Variants in SLC45A4 observed in about 807,000 individuals in gnomAD.
SLC45A4 encodes polyamine-transporter SLC45A4.
SLC45A4 carries 32 observed loss-of-function variants against 63.7 expected under a neutral mutation model. The ratio of observed to expected loss-of-function variants is 0.50; its 90% confidence interval spans 0.38 to 0.67. SLC45A4 has a LOEUF of 0.67. Among genes scored for constraint, SLC45A4 ranks in the 30% least tolerant of loss-of-function variants. The pLI is 0.00. For synonymous variants in SLC45A4, 535 were observed against 510.0 expected (o/e 1.05, Z -0.66); for missense variants, 1,027 against 1,157.7 (o/e 0.89, Z 1.64).
At chr8:141,217,973 C>T (rs761799082) in intron 5 of SLC45A4, 38 bp downstream of exon 5, 1 of 1,530,930 alleles carries the variant, frequency 6.5e-7, no homozygotes, top group Non-Finnish European at 8.8e-7. Flanking sequence ...CGCAGGTGGG[C>T]AGAGAGAGCG....
chr8:141,253,035 C>G (rs534937906), intron 2 of SLC45A4: 41 of 148,102 alleles, frequency 2.8e-4, no homozygotes, highest in African/African-American at 1.0e-3. Context: ...TCACACCCAC[C>G]TGTGTCTGTG....
At chr8:141,272,784 AGC>A (rs1161508234) in intron 1 of SLC45A4, among the ~76,000 whole-genome samples, 1 of 152,142 alleles carries the variant, frequency 6.6e-6, no homozygotes, top group African/African-American at 2.4e-5. Context: ...CAGGACCCCA[AGC>A]TCTCCCCCTT....
intron 1 of SLC45A4, among the ~76,000 whole-genome samples, chr8:141,270,404 T>A (rs891382084): frequency 6.9e-6 from 1 of 144,228 alleles, no homozygotes; most frequent in African/African-American, 2.6e-5. Context: ...CTCGGCGCGG[T>A]AGCTAACGCC....
In SLC45A4 at chr8:141,211,381, C is replaced by G; in HGVS notation, c.*191G>C. ...CAGGAGCTCGTCTGGAGCTCACGCT[C>G]CGCCCCCAGGTGGTGCCCAGCCCAT... On this transcript the variant is annotated 3_prime_UTR_variant, in exon 9 of 9. Coordinates refer to ENST00000517878, the MANE Select transcript of SLC45A4 (RefSeq NM_001286646.2). 6.7e-7 allele frequency: 1 copy of G among 1,501,282 alleles called. No individual in the cohort carries two copies. Among genetic ancestry groups the G allele is most frequent in the East Asian group, 2.3e-5 (1 of 43,158 alleles). 93.0% of individuals were successfully genotyped at this position (1,501,282 alleles called of 1,614,324 possible). A position where few individuals can be genotyped will look rare whatever the true frequency, so the allele number is the denominator to read the frequency against.
rs548735392 is a variant in SLC45A4, at chr8:141,278,773, G to A, written c.-400-24144C>T. ...GTCTCAACAAGGCACAGACGCACCCGCAAGGGAGTGGGCAGCACTGCAGGA... is the reference window on the plus strand; with the variant it reads ...GTCTCAACAAGGCACAGACGCACCCACAAGGGAGTGGGCAGCACTGCAGGA... On this transcript the variant is annotated intron_variant, in intron 1 of 8. Transcript: ENST00000517878. This position sits in a 1 kb window ranked among gnomAD's most constrained non-coding sequence, Gnocchi z 4.1. 1.1e-4 allele frequency among the ~76,000 whole-genome samples: 17 copies of A among 152,372 alleles called. No individual in the cohort carries two copies. Among genetic ancestry groups the A allele is most frequent in the African/African-American group, 4.1e-4 (17 of 41,596 alleles).
chr8:141,251,098 C>A (rs1759416717), intron 2 of SLC45A4, among the ~76,000 whole-genome samples: 1 of 152,162 alleles, frequency 6.6e-6, no homozygotes, highest in Non-Finnish European at 1.5e-5. Context: ...GTCACCACGA[C>A]CACAACTCGT....
At chr8:141,304,336 A>C (rs1830833906) in intron 1 of SLC45A4, among the ~76,000 whole-genome samples, 1 of 152,146 alleles carries the variant, frequency 6.6e-6, no homozygotes, top group South Asian at 2.1e-4. Flanking sequence ...AGGCAGGCAG[A>C]TCACTTGAGG....
intron 2 of SLC45A4, among the ~76,000 whole-genome samples, chr8:141,237,561 T>C (rs2154614430): frequency 6.6e-6 from 1 of 152,290 alleles, no homozygotes; most frequent in Admixed American, 6.5e-5. Flanking sequence ...ATGCCTCATA[T>C]TTTAACCGTC....
chr8:141,266,045 G>C (rs766322665), intron 1 of SLC45A4, among the ~76,000 whole-genome samples: 2 of 152,186 alleles, frequency 1.3e-5, no homozygotes, highest in Non-Finnish European at 2.9e-5. Flanking sequence ...TCACCAAAAA[G>C]GTAACTGGAG....
intron 1 of SLC45A4, among the ~76,000 whole-genome samples, chr8:141,287,978 C>T (rs1360189719): frequency 6.6e-6 from 1 of 152,192 alleles, no homozygotes; most frequent in Non-Finnish European, 1.5e-5. Context: ...CCGACCCCCA[C>T]GTTTCTCCCA....
rs117543236 is a variant in SLC45A4, at chr8:141,255,826, C to T, written c.-400-1197G>A. On this transcript the variant is annotated intron_variant, in intron 1 of 8. Transcript: ENST00000517878. ...CATGATTCTCTGTCCGGGGGGAGTT[C>T]GAAGTCTACCCAAAGGCACCTGGAC... Among the ~76,000 whole-genome samples, 59 of 152,244 alleles carry T rather than the reference C, an allele frequency of 3.9e-4. No individual in the cohort carries two copies. The East Asian group carries it at 0.011, about 27-fold the overall frequency.
intron 1 of SLC45A4, among the ~76,000 whole-genome samples, chr8:141,275,981 C>T (rs893191853): frequency 3.3e-5 from 5 of 151,448 alleles, no homozygotes; most frequent in African/African-American, 4.9e-5. Flanking sequence ...GGCTCAGTCA[C>T]GGCTCACTGC....
At chr8:141,288,216 G>A (rs1466697077) in intron 1 of SLC45A4, among the ~76,000 whole-genome samples, 2 of 152,124 alleles carry the variant, frequency 1.3e-5, no homozygotes, top group Admixed American at 6.5e-5. Context: ...TCATATTCAC[G>A]CTGCCCTTCA....
At chr8:141,242,292 A>AAG (rs1827954944) in intron 2 of SLC45A4, among the ~76,000 whole-genome samples, 1 of 152,246 alleles carries the variant, frequency 6.6e-6, no homozygotes, top group African/African-American at 2.4e-5. Context: ...TGACAGATAG[A>AAG]ATTTAAGAAA....
chr8:141,236,083 G>A (rs76623568), intron 2 of SLC45A4, among the ~76,000 whole-genome samples: 29 of 152,244 alleles, frequency 1.9e-4, no homozygotes, highest in East Asian at 1.4e-3. Context: ...CAGCCTGGGC[G>A]ACAGAGCAAG....
At position 141,211,103 on chromosome 8, in the gene SLC45A4, G is replaced by C; in HGVS notation, c.*469C>G. 4.3e-6 allele frequency: 1 copy of C among 230,214 alleles called. No individual in the cohort carries two copies. The highest frequency in any genetic ancestry group is 1.4e-4 in the South Asian group (1 of 7,032). The allele number at this position is 230,214 out of a possible 1,614,324, so 14.3% of individuals were successfully genotyped here. The stretch of plus-strand genomic sequence containing the variant: ...CACGCATGTCCCCTTCGCAAGCGGG[G>C]GAGGCCCTCGCACATCCACACACCC... On this transcript the variant is annotated 3_prime_UTR_variant, in exon 9 of 9. Transcript: ENST00000517878.
At chr8:141,306,770 G>A (rs1830909092) in intron 1 of SLC45A4, among the ~76,000 whole-genome samples, 1 of 152,270 alleles carries the variant, frequency 6.6e-6, no homozygotes, top group South Asian at 2.1e-4. Context: ...GGCGCTCTCA[G>A]TAATGCTGGG....
intron 1 of SLC45A4, among the ~76,000 whole-genome samples, chr8:141,271,840 C>T (rs1829537184): frequency 1.4e-5 from 2 of 145,044 alleles, no homozygotes; most frequent in African/African-American, 5.1e-5. Context: ...ATGCAACACA[C>T]ACCTGTGTAC....
Position 141,218,689 on chromosome 8 carries a change from C to T in SLC45A4, c.951G>A (p.Ala317=), listed in dbSNP as rs781226365. ...ACAGCAGCTCGGGCTCCAGGTCCAGCGCGGTGTCCGGCACGTGCAATGCCG... is the reference window on the plus strand; with the variant it reads ...ACAGCAGCTCGGGCTCCAGGTCCAGTGCGGTGTCCGGCACGTGCAATGCCG... The part of the protein sequence containing the change: ...SDSALHVPDT[A]LDLEPELLFL... Residue 317 remains alanine (A), a synonymous_variant, in exon 5 of 9, where the codon GCG becomes GCA. Transcript: ENST00000517878. The T allele has an allele frequency of 2.5e-5, 40 of 1,612,612 alleles. No homozygotes were observed. In the Middle Eastern group the frequency reaches 9.9e-4, roughly 40 times the overall value.
Sources: gnomAD v4.1 joint callset for allele counts (sites outside exome capture counted in the v4.1 genomes callset) on GRCh38, gnomAD v4.1.1 for gene constraint, Gnocchi (gnomAD v3.1) non-coding constraint, MANE v1.5 for transcripts, NCBI Gene and HGNC (gene_info 2026-07-23, HGNC 2026-07-21) for gene names.